PCDH11X: variants seen among roughly 807,000 people sequenced by gnomAD.
The protein encoded by PCDH11X is protocadherin 11 X-linked.
A neutral mutation model predicts 53.3 loss-of-function variants in PCDH11X; 18 were observed. The observed-to-expected ratio is 0.34, with a 90% CI of 0.23 to 0.50. The LOEUF is 0.50. Ranked by LOEUF, PCDH11X falls within the 20% of genes least tolerant of loss-of-function variation. PCDH11X has a pLI of 0.98. For missense variants in PCDH11X, 570 were observed against 1,032.4 expected, an observed-to-expected ratio of 0.55 and a Z score of 6.14; for synonymous variants, 279 against 393.3, an observed-to-expected ratio of 0.71 and a Z score of 3.44.
intron 10 of PCDH11X, among the ~76,000 whole-genome samples, chrX:92,559,966 CA>C (rs1324048501): frequency 9.0e-6 from 1 of 111,388 alleles, no homozygotes; most frequent in Non-Finnish European, 1.9e-5. Context: ...AGGCAGACAC[CA>C]GCTGGGGCAG....
chrX:92,183,248 C>CTTTTTTTTTT (rs60978254), intron 6 of PCDH11X, among the ~76,000 whole-genome samples: 1 of 52,296 alleles, frequency 1.9e-5, no homozygotes, highest in Non-Finnish European at 3.5e-5. Flanking sequence ...CTAGAGAAAC[C>CTTTTTTTTTT]TTTTTTTTTT....
At chrX:92,313,310 G>C (rs2068994421) in intron 8 of PCDH11X, among the ~76,000 whole-genome samples, 1 of 109,876 alleles carries the variant, frequency 9.1e-6, no homozygotes, top group African/African-American at 3.3e-5. Context: ...TGATAACACA[G>C]AGCCTTAGAG....
chrX:91,893,347 A>AT (rs58312535), intron 6 of PCDH11X, among the ~76,000 whole-genome samples: 6,696 of 88,659 alleles, frequency 0.076, 223 homozygotes, highest in Middle Eastern at 0.094. Flanking sequence ...AGAGAACCGC[A>AT]TTTTTTTTTT....
At chrX:91,863,918 T>G in intron 5 of PCDH11X, among the ~76,000 whole-genome samples, 1 of 112,089 alleles carries the variant, frequency 8.9e-6, no homozygotes, top group Middle Eastern at 4.6e-3. Flanking sequence ...ATCCCCAAGC[T>G]TTTTAACTTT....
intron 10 of PCDH11X, among the ~76,000 whole-genome samples, chrX:92,591,180 G>A (rs1924994136): frequency 2.7e-5 from 3 of 110,919 alleles, no homozygotes; most frequent in Admixed American, 9.5e-5. Flanking sequence ...AAGGCTCCAT[G>A]AAATGGAAAA....
Position 92,618,548 on chromosome X carries a change from G to T in PCDH11X, c.3652G>T (p.Ala1218Ser), listed in dbSNP as rs1462233761. 9.9e-6 allele frequency: 12 copies of T among 1,209,447 alleles called. No individual in the cohort carries two copies. The highest frequency in any genetic ancestry group is 1.2e-5 in the Non-Finnish European group (11 of 894,994). ...CHSPPPIQVS[A>S]LHHSPPLVQA... ...CAGCCCACCACCGATACAGGTGTCT[G>T]CTCTCCACCACAGTCCTCCTCTAGT... The change falls in exon 11 of 11, where the codon GCT becomes TCT. Residue 1218 changes from alanine (A) to serine (S), a missense_variant. Ala to Ser is a moderately conservative substitution (Grantham distance 99, BLOSUM62 1). Around this residue, in one of 6 missense-constraint regions of PCDH11X, gnomAD observed 234 missense variants for 296.1 expected, o/e 0.79. Coordinates refer to ENST00000682573, the MANE Select transcript of PCDH11X (RefSeq NM_032968.5).
chrX:91,950,891 A>G (rs1156799891), intron 6 of PCDH11X, among the ~76,000 whole-genome samples: 1 of 109,268 alleles, frequency 9.2e-6, no homozygotes, highest in East Asian at 2.9e-4. Flanking sequence ...TGGTTTTTAC[A>G]TCTTGAAAAA....
intron 6 of PCDH11X, among the ~76,000 whole-genome samples, chrX:92,149,487 GTATA>G (rs201866727): frequency 1.4e-4 from 14 of 102,688 alleles, no homozygotes; most frequent in Non-Finnish European, 2.4e-4. Context: ...ATGTGTGTGT[GTATA>G]TATATATATA....
rs371637088 is a variant in PCDH11X, at chrX:92,552,660, GCTGAGGTT to G, written c.3368-65600_3368-65593del. ...TTTTTCCCCATTCAGTATTATACTTGCTGAGGTTCTGTCATATATGGCTTTTATTGCAT... is the reference window on the plus strand; with the variant it reads ...TTTTTCCCCATTCAGTATTATACTTGCTGTCATATATGGCTTTTATTGCAT... On this transcript the variant is annotated intron_variant, in intron 10 of 10. Transcript: ENST00000682573. Among the ~76,000 whole-genome samples the G allele has an allele frequency of 5.7e-3, 631 of 110,764 alleles. 1 individual carries two copies. Among genetic ancestry groups the G allele is most frequent in the African/African-American group, 0.02 (607 of 30,519 alleles).
At chrX:91,996,034 G>T (rs759758530) in intron 6 of PCDH11X, among the ~76,000 whole-genome samples, 62 of 106,684 alleles carry the variant, frequency 5.8e-4, no homozygotes, top group African/African-American at 2.0e-3. Flanking sequence ...GTAGAGACGG[G>T]GTTTCACCAT....
intron 4 of PCDH11X, among the ~76,000 whole-genome samples, chrX:91,826,978 C>G (rs1936948175): frequency 9.0e-6 from 1 of 110,758 alleles, no homozygotes; most frequent in African/African-American, 3.3e-5. Flanking sequence ...GGGTAGTTAC[C>G]CAGTAATGGG....
chrX:91,932,439 C>G (rs1028285050), intron 6 of PCDH11X, among the ~76,000 whole-genome samples: 5 of 96,538 alleles, frequency 5.2e-5, no homozygotes, highest in African/African-American at 1.9e-4. Context: ...GAAGAGAGTA[C>G]AGTAAAGATA....
chrX:92,218,833 A>C (rs200181424), intron 7 of PCDH11X, among the ~76,000 whole-genome samples: 18,115 of 110,821 alleles, frequency 0.16, 1,306 homozygotes, highest in Admixed American at 0.29. Flanking sequence ...CAGCACATCA[A>C]AAAGCTTATC....
intron 8 of PCDH11X, among the ~76,000 whole-genome samples, chrX:92,352,164 C>A (rs1302531563): frequency 9.0e-6 from 1 of 111,514 alleles, no homozygotes; most frequent in African/African-American, 3.3e-5. Flanking sequence ...GCCTTGGATA[C>A]TAAATGGATT....
At chrX:92,360,170 TTTTATAC>T (rs1312721014) in intron 8 of PCDH11X, among the ~76,000 whole-genome samples, 2 of 111,477 alleles carry the variant, frequency 1.8e-5, no homozygotes, top group African/African-American at 3.2e-5. Context: ...TTGTAGGGTA[TTTTATAC>T]TTTATACTTT....
At chrX:92,202,115 T>G (rs2148323750) in intron 7 of PCDH11X, among the ~76,000 whole-genome samples, 1 of 111,793 alleles carries the variant, frequency 8.9e-6, no homozygotes, top group Non-Finnish European at 1.9e-5. Flanking sequence ...TTGAGGTTTT[T>G]ATACATTGGC....
intron 9 of PCDH11X, among the ~76,000 whole-genome samples, chrX:92,399,908 ATT>A (rs397961081): frequency 2.7e-3 from 248 of 91,334 alleles, no homozygotes; most frequent in African/African-American, 4.3e-3. Context: ...CGCCCGGCTA[ATT>A]TTTTTTTTTT....
intron 9 of PCDH11X, among the ~76,000 whole-genome samples, chrX:92,424,537 GAGTCCCTTT>G (rs1316368531): frequency 2.1e-5 from 2 of 95,637 alleles, no homozygotes; most frequent in Non-Finnish European, 4.6e-5. Context: ...TAGAATTATG[GAGTCCCTTT>G]AGTTAACATT....
rs568489456 is a variant in PCDH11X, at chrX:92,475,096, C to T, written c.3367+6774C>T. Reference sequence around the variant, plus strand: ...AGGAGAATGGCGTGAACCCGGGAGGCGGAGCTTGCAGTGAGCCGAGATCCC... The same window carrying T: ...AGGAGAATGGCGTGAACCCGGGAGGTGGAGCTTGCAGTGAGCCGAGATCCC... On this transcript the variant is annotated intron_variant, in intron 10 of 10. Coordinates refer to ENST00000682573, the MANE Select transcript of PCDH11X (RefSeq NM_032968.5). Among the ~76,000 whole-genome samples, 257 of 82,935 alleles carry T rather than the reference C, an allele frequency of 3.1e-3. 2 individuals carry two copies. Among genetic ancestry groups the T allele is most frequent in the African/African-American group, 0.012 (246 of 20,675 alleles). The allele number at this position is 82,935 out of a possible 115,157, so 72.0% of individuals were successfully genotyped here. A position where few individuals can be genotyped will look rare whatever the true frequency, so the allele number is the denominator to read the frequency against.
Sources: gnomAD v4.1 joint callset for allele counts (sites outside exome capture counted in the v4.1 genomes callset) on GRCh38, gnomAD v4.1.1 for gene constraint, gnomAD v4.1.1 regional missense constraint, MANE v1.5 for transcripts, NCBI Gene and HGNC (gene_info 2026-07-23, HGNC 2026-07-21) for gene names.